Variants in DRC7 observed in about 807,000 individuals in gnomAD.
DRC7 encodes coiled-coil domain containing 135.
A neutral mutation model predicts 104.4 loss-of-function variants in DRC7; 80 were observed. The observed-to-expected ratio is 0.77, with a 90% CI of 0.64 to 0.92. The LOEUF (loss-of-function observed/expected upper bound fraction) is 0.92. Among genes scored for constraint, DRC7 ranks in the 40% least tolerant of loss-of-function variants. The pLI is 0.00. For synonymous variants in DRC7, 405 were observed against 447.3 expected, an observed-to-expected ratio of 0.91 and a Z score of 1.19; for missense variants, 1,034 against 1,141.1, an observed-to-expected ratio of 0.91 and a Z score of 1.35.
At chr16:57,697,885 C>A in intron 2 of DRC7, 28 bp from the exon 3 acceptor site, 1 of 1,563,186 alleles carries the variant, frequency 6.4e-7, no homozygotes, top group Non-Finnish European at 8.7e-7. Context: ...GACAGTCGGC[C>A]ATGGAGTATA....
rs780791269 is a variant in DRC7, at chr16:57,727,329, G to C, written c.2116G>C (p.Glu706Gln). 4 of 1,613,396 alleles carry C rather than the reference G, an allele frequency of 2.5e-6. No homozygotes were observed. In the East Asian group the frequency reaches 8.9e-5, roughly 36 times the overall value. The stretch of plus-strand genomic sequence containing the variant: ...GGAGATTCTGAAGCTTCGAGAGGAA[G>C]AGGAGGCGGCGCACACACTGACCAT... ...VLEILKLREE[E>Q]EAAHTLTISI... The change falls in exon 16 of 19, where the codon GAG (glutamate) becomes CAG (glutamine). Residue 706 changes from glutamate to glutamine, a missense_variant. Physicochemically the swap from Glu to Gln is conservative, Grantham distance 29. Coordinates refer to ENST00000360716, the MANE Select transcript of DRC7 (RefSeq NM_001289162.2).
intron 6 of DRC7, among the ~76,000 whole-genome samples, chr16:57,702,644 C>CA: frequency 6.6e-6 from 1 of 152,004 alleles, no homozygotes; most frequent in Middle Eastern, 3.4e-3. Context: ...ATCAAAAATA[C>CA]AAAAAAATTA....
Position 57,731,021 on chromosome 16 carries a change from T to C in DRC7, c.2482T>C (p.Cys828Arg), listed in dbSNP as rs971319281. Residue 828 changes from cysteine to arginine, a missense_variant, in exon 18 of 19, where the codon TGC (cysteine) becomes CGC (arginine). Coordinates refer to ENST00000360716, the MANE Select transcript of DRC7 (RefSeq NM_001289162.2). ...PEDEDLYLSY[C>R]SQAMFRIRIL... The stretch of plus-strand genomic sequence containing the variant: ...GGATGAAGACCTGTACCTGAGTTAC[T>C]GCTCTCAGGCCATGTTCCGCATCCG... The C allele has an allele frequency of 4.3e-6, 7 of 1,613,546 alleles. No individual in the cohort carries two copies. The highest frequency in any genetic ancestry group is 5.9e-6 in the Non-Finnish European group (7 of 1,179,948).
intron 8 of DRC7, among the ~76,000 whole-genome samples, chr16:57,715,482 T>C (rs1302136050): frequency 6.6e-6 from 1 of 152,204 alleles, no homozygotes; most frequent in East Asian, 1.9e-4. Context: ...TGCTCTGTCT[T>C]TGTGAAGAAG....
intron 7 of DRC7, 141 bp downstream of exon 7, chr16:57,705,175 C>T: frequency 1.0e-6 from 1 of 982,484 alleles, no homozygotes; most frequent in South Asian, 1.7e-5. Context: ...CCAACCTCTA[C>T]CTGGCCCTGC....
At chr16:57,709,258 A>G (rs59504990) in intron 8 of DRC7, among the ~76,000 whole-genome samples, 7,488 of 152,198 alleles carry the variant, frequency 0.049, 447 homozygotes, top group East Asian at 0.23. Context: ...AATCAGTTCT[A>G]TAGCTGAATG....
At chr16:57,714,355 T>C (rs1417828000) in intron 8 of DRC7, 1 of 173,918 alleles carries the variant, frequency 5.7e-6, no homozygotes, top group Non-Finnish European at 1.2e-5. Flanking sequence ...GCATGGCGGC[T>C]TACGCCTGTA....
rs2049061407 is a variant in DRC7, at chr16:57,731,473, AC to A, written c.*216del. ...ATTTGCCATTTGTGCCTTGCGCTTC[AC>A]AAGCTCCAGCAGCAGCCTTTCTCTT... On this transcript the variant is annotated 3_prime_UTR_variant, in exon 19 of 19. Transcript: ENST00000360716. 1 of 579,858 alleles carries A rather than the reference AC, an allele frequency of 1.7e-6. No individual in the cohort carries two copies. Among genetic ancestry groups the A allele is most frequent in the Non-Finnish European group, 3.1e-6 (1 of 326,104 alleles). 35.9% of individuals were successfully genotyped at this position (579,858 alleles called of 1,614,324 possible).
At chr16:57,709,699 G>A (rs1177998757) in intron 8 of DRC7, among the ~76,000 whole-genome samples, 1 of 152,012 alleles carries the variant, frequency 6.6e-6, no homozygotes, top group Non-Finnish European at 1.5e-5. Context: ...CAAGTTAGTG[G>A]CTTTTAGTAT....
rs111632837 is a variant in DRC7 at position 57,697,641 on chromosome 16, T to G, written c.-37-272T>G. On this transcript the variant is annotated intron_variant, in intron 2 of 18. Transcript: ENST00000360716. The stretch of plus-strand genomic sequence containing the variant: ...AAGCAAATCGACACGTGCCTTTCCC[T>G]GTCCTGTCCTGAGGATGGCTTCCAA... Among the ~76,000 whole-genome samples the G allele has an allele frequency of 4.7e-3, 717 of 152,316 alleles. 7 individuals are homozygous for G. Among genetic ancestry groups the G allele is most frequent in the African/African-American group, 0.016 (675 of 41,568 alleles).
chr16:57,730,612 A>G (rs2049050085), intron 17 of DRC7, among the ~76,000 whole-genome samples: 1 of 152,050 alleles, frequency 6.6e-6, no homozygotes, highest in Non-Finnish European at 1.5e-5. Context: ...GGGGGAGTAC[A>G]ATGACCCTCC....
In DRC7 at chr16:57,731,370, C is replaced by G; in HGVS notation, c.*112C>G. Reference sequence around the variant, plus strand: ...ATGCCTGTTTACACAGACACCTGGCCTCACTGCCAGCCCACCTCCCCTACA... The same window carrying G: ...ATGCCTGTTTACACAGACACCTGGCGTCACTGCCAGCCCACCTCCCCTACA... On this transcript the variant is annotated 3_prime_UTR_variant, in exon 19 of 19. Coordinates refer to ENST00000360716, the MANE Select transcript of DRC7 (RefSeq NM_001289162.2). 1 of 767,110 alleles carries G rather than the reference C, an allele frequency of 1.3e-6. No homozygotes were observed. The highest frequency in any genetic ancestry group is 1.7e-5 in the South Asian group (1 of 59,370). 47.5% of individuals were successfully genotyped at this position (767,110 alleles called of 1,614,324 possible).
chr16:57,698,281 G>GCAGAAAGCCTTCA, intron 3 of DRC7, 129 bp downstream of exon 3: 2 of 1,383,630 alleles, frequency 1.4e-6, no homozygotes, highest in Non-Finnish European at 1.9e-6. Context: ...ATGAGTGAAG[G>GCAGAAAGCCTTCA]CTTTCTGCTT....
In DRC7 at chr16:57,707,615, C is replaced by G. The variant is rs200287537; in HGVS notation, c.1014C>G (p.Ile338Met). 25 of 1,613,484 alleles carry G rather than the reference C, an allele frequency of 1.5e-5. No homozygotes were observed. The Admixed American group carries it at 4.0e-4, about 26-fold the overall frequency. The change falls in exon 8 of 19, where the codon ATC becomes ATG. Residue 338 changes from isoleucine to methionine, a missense_variant. By Grantham distance (10) the Ile-to-Met change is conservative (BLOSUM62 1). Coordinates refer to ENST00000360716, the MANE Select transcript of DRC7 (RefSeq NM_001289162.2). ...CCCAGGATGAGCACTTCCTGGGCAT[C>G]GAAAGCCTGTGGAACCACAAGAACT... The part of the protein sequence containing the change: ...YSTQDEHFLG[I>M]ESLWNHKNYW...
chr16:57,697,733 G>C (rs1236388580), intron 2 of DRC7, among the ~76,000 whole-genome samples, 180 bp from the exon 3 acceptor site: 1 of 152,154 alleles, frequency 6.6e-6, no homozygotes, highest in Non-Finnish European at 1.5e-5. Context: ...TTACAGATGG[G>C]GTAGCACCAA....
intron 3 of DRC7, 66 bp downstream of exon 3, chr16:57,698,218 A>G: frequency 6.2e-7 from 1 of 1,606,736 alleles, no homozygotes; most frequent in Non-Finnish European, 8.5e-7. Flanking sequence ...AGACCCAGGC[A>G]GAGTGCTGGT....
At chr16:57,703,008 C>T (rs1026059244) in intron 6 of DRC7, among the ~76,000 whole-genome samples, 120 of 152,034 alleles carry the variant, frequency 7.9e-4, no homozygotes, top group African/African-American at 2.8e-3. Context: ...CTCAGCCTCC[C>T]AAGTAGCTGA....
Position 57,702,023 on chromosome 16 carries a change from A to T in DRC7, c.592A>T (p.Ile198Phe). Residue 198 changes from isoleucine (I) to phenylalanine (F), a missense_variant, in exon 6 of 19, where the codon ATC (isoleucine) becomes TTC (phenylalanine). Transcript: ENST00000360716. ...CAGTACGCTGCTCTGCTCCATGCTT[A>T]TCGGCTCTGGCTATGATGCTTACTG... Reference protein sequence around the residue: ...DFSTLLCSMLIGSGYDAYCVN... With the variant: ...DFSTLLCSMLFGSGYDAYCVN... 2 of 1,614,210 alleles carry T rather than the reference A, an allele frequency of 1.2e-6. No individual in the cohort carries two copies. Among genetic ancestry groups the T allele is most frequent in the Non-Finnish European group, 1.7e-6 (2 of 1,180,026 alleles).
intron 17 of DRC7, among the ~76,000 whole-genome samples, chr16:57,730,184 A>G (rs1352143873): frequency 1.4e-4 from 13 of 96,228 alleles, no homozygotes; most frequent in African/African-American, 1.8e-4. Context: ...TGGATGGAAG[A>G]GTGGGTGAGT....
Sources: gnomAD v4.1 joint callset for allele counts (sites outside exome capture counted in the v4.1 genomes callset) on GRCh38, gnomAD v4.1.1 for gene constraint, MANE v1.5 for transcripts, NCBI Gene and HGNC (gene_info 2026-07-23, HGNC 2026-07-21) for gene names.